Variants in AUTS2 observed in about 807,000 individuals in gnomAD.
The protein encoded by AUTS2 is autism susceptibility gene 2 protein.
In AUTS2, 17 loss-of-function variants were observed where a neutral mutation model predicts 112.4. The ratio of observed to expected loss-of-function variants is 0.15; its 90% CI spans 0.10 to 0.23. AUTS2 has a LOEUF of 0.23. Among genes scored for constraint, AUTS2 ranks in the 10% least tolerant of loss-of-function variants. AUTS2 has a pLI of 1.00. For missense variants in AUTS2, 1,510 were observed against 1,701.6 expected (o/e 0.89, Z 1.98); for synonymous variants, 751 against 702.7 (o/e 1.07, Z -1.09).
rs1230981836 is a variant in AUTS2, at chr7:69,636,556, T to C, written c.309+36594T>C. 4.0e-4 allele frequency among the ~76,000 whole-genome samples: 57 copies of C among 141,298 alleles called. 1 individual carries two copies. Among genetic ancestry groups the C allele is most frequent in the Non-Finnish European group, 1.5e-5 (1 of 66,358 alleles). 92.7% of individuals were successfully genotyped at this position (141,298 alleles called of 152,430 possible). ...CCCACACCTGGCCTGGAGCACACATTAGCTTAATACCAAGAGAAAACCATT... is the reference window on the plus strand; with the variant it reads ...CCCACACCTGGCCTGGAGCACACATCAGCTTAATACCAAGAGAAAACCATT... On this transcript the variant is annotated intron_variant, in intron 1 of 18. Coordinates refer to ENST00000342771, the MANE Select transcript of AUTS2 (RefSeq NM_015570.4).
chr7:70,473,772 G>A (rs1372227942), intron 5 of AUTS2, among the ~76,000 whole-genome samples: 1 of 150,918 alleles, frequency 6.6e-6, no homozygotes, highest in Non-Finnish European at 1.5e-5. Flanking sequence ...TTTAAGGTAG[G>A]ATCTCCTCTT....
intron 1 of AUTS2, among the ~76,000 whole-genome samples, chr7:69,870,460 T>TATATATATATATAC (rs1266580036): frequency 2.1e-5 from 3 of 140,202 alleles, no homozygotes; most frequent in African/African-American, 7.7e-5. Context: ...TATATATATA[T>TATATATATATATAC]ATATATGTAT....
At chr7:70,318,042 T>C (rs1790080876) in intron 4 of AUTS2, among the ~76,000 whole-genome samples, 1 of 152,184 alleles carries the variant, frequency 6.6e-6, no homozygotes, top group Admixed American at 6.5e-5. Flanking sequence ...TCATGGCTCT[T>C]ATTCACTGCG....
chr7:70,461,849 AG>A (rs1183754981), intron 5 of AUTS2, among the ~76,000 whole-genome samples: 1 of 152,158 alleles, frequency 6.6e-6, no homozygotes, highest in East Asian at 1.9e-4. Flanking sequence ...TCAGGACATC[AG>A]GGGCCTAACT....
intron 5 of AUTS2, among the ~76,000 whole-genome samples, chr7:70,467,629 T>C (rs1797217788): frequency 6.6e-6 from 1 of 152,366 alleles, no homozygotes; most frequent in African/African-American, 2.4e-5. Context: ...TTAATTCTTA[T>C]ACAACCCAAC....
intron 2 of AUTS2, among the ~76,000 whole-genome samples, chr7:69,946,598 ACACACACACG>A (rs1447781583): frequency 4.6e-4 from 62 of 134,796 alleles, no homozygotes; most frequent in Non-Finnish European, 8.1e-4. Context: ...ACACACACAC[ACACACACACG>A]CACGCACACA....
intron 4 of AUTS2, among the ~76,000 whole-genome samples, chr7:70,171,663 A>G (rs1410461526): frequency 1.3e-5 from 2 of 152,252 alleles, no homozygotes; most frequent in Non-Finnish European, 2.9e-5. Context: ...GAAATTGCCA[A>G]CAGTGAAAAG....
chr7:69,752,395 G>C (rs542102042), intron 1 of AUTS2, among the ~76,000 whole-genome samples: 1 of 152,284 alleles, frequency 6.6e-6, no homozygotes, highest in South Asian at 2.1e-4. Context: ...GAATAATATA[G>C]GAATTAGTCT....
intron 5 of AUTS2, among the ~76,000 whole-genome samples, chr7:70,588,208 T>A (rs1802772602): frequency 1.3e-5 from 2 of 152,182 alleles, no homozygotes; most frequent in Admixed American, 1.3e-4. Flanking sequence ...TCTGCTCCTC[T>A]CTCGAGCAAA....
At chr7:70,465,834 C>T (rs1231437861) in intron 5 of AUTS2, among the ~76,000 whole-genome samples, 2 of 152,162 alleles carry the variant, frequency 1.3e-5, no homozygotes, top group African/African-American at 4.8e-5. Context: ...TGTCTGTGTA[C>T]CCCCATGCAA....
chr7:70,428,342 A>G (rs1435650249), intron 4 of AUTS2, among the ~76,000 whole-genome samples: 1 of 152,120 alleles, frequency 6.6e-6, no homozygotes, highest in Non-Finnish European at 1.5e-5. Flanking sequence ...TACATGAGCA[A>G]AGGATTGGGC....
chr7:70,048,445 T>G (rs1272468999), intron 2 of AUTS2, among the ~76,000 whole-genome samples: 1 of 152,262 alleles, frequency 6.6e-6, no homozygotes, highest in Admixed American at 6.5e-5. Context: ...AGTACTTATA[T>G]CTCACTTAGA....
intron 6 of AUTS2, among the ~76,000 whole-genome samples, chr7:70,755,578 T>A (rs1475363724): frequency 6.6e-6 from 1 of 151,718 alleles, no homozygotes; most frequent in Non-Finnish European, 1.5e-5. Context: ...GTCAGAAGAA[T>A]CAGTTGAACC....
At chr7:69,805,942 A>G (rs1046060605) in intron 1 of AUTS2, among the ~76,000 whole-genome samples, 2 of 152,128 alleles carry the variant, frequency 1.3e-5, no homozygotes, top group African/African-American at 4.8e-5. Context: ...TCTGTTGCCC[A>G]GGCTGGAGTG....
At chr7:70,204,836 A>G (rs887382986) in intron 4 of AUTS2, among the ~76,000 whole-genome samples, 1 of 152,166 alleles carries the variant, frequency 6.6e-6, no homozygotes, top group Non-Finnish European at 1.5e-5. Flanking sequence ...CGTCCAAACC[A>G]TAGTAATTCT....
At chr7:70,316,083 C>A (rs1459780892) in intron 4 of AUTS2, among the ~76,000 whole-genome samples, 1 of 152,024 alleles carries the variant, frequency 6.6e-6, no homozygotes, top group African/African-American at 2.4e-5. Context: ...TGAATTAATG[C>A]AGTATAAAAT....
At chr7:70,015,223 A>T (rs1799974712) in intron 2 of AUTS2, among the ~76,000 whole-genome samples, 1 of 152,202 alleles carries the variant, frequency 6.6e-6, no homozygotes, top group South Asian at 2.1e-4. Flanking sequence ...TGGTCCTTAT[A>T]TTCTGTGCTT....
At chr7:70,383,837 G>T (rs144882164) in intron 4 of AUTS2, among the ~76,000 whole-genome samples, 20 of 152,286 alleles carry the variant, frequency 1.3e-4, no homozygotes, top group African/African-American at 4.8e-4. Context: ...TGCAAAGTGG[G>T]ATCTCCATTA....
intron 4 of AUTS2, among the ~76,000 whole-genome samples, chr7:70,149,224 G>C (rs1421896424): frequency 6.6e-6 from 1 of 151,882 alleles, no homozygotes; most frequent in Non-Finnish European, 1.5e-5. Flanking sequence ...AATATCAATA[G>C]TTAAAACCCA....
Sources: allele counts gnomAD v4.1 joint callset (sites outside exome capture counted in the v4.1 genomes callset), GRCh38; gene constraint gnomAD v4.1.1; transcripts MANE v1.5; gene names NCBI Gene and HGNC (gene_info 2026-07-23, HGNC 2026-07-21).